PTGES3: variants seen among roughly 807,000 people sequenced by gnomAD.
The protein encoded by PTGES3 is prostaglandin E synthase 3.
In PTGES3, 5 loss-of-function variants were observed where a neutral mutation model predicts 29.9. The ratio of observed to expected loss-of-function variants is 0.17; its 90% CI spans 0.09 to 0.35. The LOEUF (loss-of-function observed/expected upper bound fraction) is 0.35. Among genes scored for constraint, PTGES3 ranks in the 10% least tolerant of loss-of-function variants. PTGES3 has a pLI of 1.00. For missense variants in PTGES3, 128 were observed against 190.0 expected (o/e 0.67, Z 1.92); for synonymous variants, 49 against 57.8 (o/e 0.85, Z 0.69).
chr12:56,682,435 A>G (rs1952584478), intron 1 of PTGES3, among the ~76,000 whole-genome samples: 1 of 152,042 alleles, frequency 6.6e-6, no homozygotes, highest in African/African-American at 2.4e-5. Context: ...GGTGGTGCAC[A>G]CCTGTAGTCC....
chr12:56,688,014 G>A lies in PTGES3; in HGVS notation c.-15C>T, dbSNP rs1952967360. ...CGCACTCACATTGTGAACGGGGCAG[G>A]GGGACGGGCGAACTGGTGGGCGGGC... On this transcript the variant is annotated 5_prime_UTR_variant, in exon 1 of 8. Transcript: ENST00000262033. The A allele has an allele frequency of 2.6e-6, 4 of 1,544,632 alleles. No homozygotes were observed. Among genetic ancestry groups the A allele is most frequent in the Non-Finnish European group, 2.6e-6 (3 of 1,144,600 alleles).
chr12:56,669,472 G>A lies in PTGES3; in HGVS notation c.375+803C>T, dbSNP rs1299552866. On this transcript the variant is annotated intron_variant, in intron 5 of 7. Coordinates refer to ENST00000262033, the MANE Select transcript of PTGES3 (RefSeq NM_006601.7). ...CTAATTTTTGTATTTTAGTAGAGAC[G>A]GGGTTTCACCATGTTGGTCAGGCTG... Among the ~76,000 whole-genome samples, 3 of 152,204 alleles carry A rather than the reference G, an allele frequency of 2.0e-5. No individual in the cohort carries two copies. The East Asian group carries it at 5.8e-4, about 29-fold the overall frequency.
At chr12:56,678,289 T>C (rs2137673104) in intron 1 of PTGES3, among the ~76,000 whole-genome samples, 1 of 152,252 alleles carries the variant, frequency 6.6e-6, no homozygotes, top group East Asian at 1.9e-4. Flanking sequence ...GCAGTTCTCC[T>C]TCCTCAGTCC....
Position 56,663,385 on chromosome 12 carries a change from A to C in PTGES3, c.*1094T>G, listed in dbSNP as rs1052225101. The C allele has an allele frequency of 6.6e-6, 1 of 152,214 alleles. No individual in the cohort carries two copies. Among genetic ancestry groups the C allele is most frequent in the African/African-American group, 2.4e-5 (1 of 41,448 alleles). 9.4% of individuals were successfully genotyped at this position (152,214 alleles called of 1,614,324 possible). ...AACACATTTAGTTTTATTTCAATCA[A>C]ATCACACAACACTTTCTTTTCCAAC... is the stretch of plus-strand genomic sequence containing the variant. On this transcript the variant is annotated 3_prime_UTR_variant, in exon 8 of 8. Transcript: ENST00000262033.
chr12:56,665,841 G>T, intron 6 of PTGES3: 1 of 798,534 alleles, frequency 1.3e-6, no homozygotes, highest in Non-Finnish European at 1.5e-6. Context: ...TGTTGGCCAG[G>T]CTGGTCTCGA....
At chr12:56,687,467 C>T in intron 1 of PTGES3, 1 of 989,562 alleles carries the variant, frequency 1.0e-6, no homozygotes, top group Non-Finnish European at 1.2e-6. Context: ...GCGGCGTGGG[C>T]ATGGCTTCCT....
intron 1 of PTGES3, among the ~76,000 whole-genome samples, chr12:56,682,786 A>C (rs1007372778): frequency 1.3e-5 from 2 of 150,622 alleles, no homozygotes; most frequent in Non-Finnish European, 1.5e-5. Context: ...TGGAAGGCCA[A>C]GGTGGGATGA....
chr12:56,671,375 G>A (rs564005089), intron 4 of PTGES3, among the ~76,000 whole-genome samples: 1 of 152,066 alleles, frequency 6.6e-6, no homozygotes, highest in Non-Finnish European at 1.5e-5. Flanking sequence ...CTCCAGCCTG[G>A]GTGACAAAGA....
chr12:56,674,603 G>C (rs1952140178), intron 1 of PTGES3, among the ~76,000 whole-genome samples: 1 of 151,900 alleles, frequency 6.6e-6, no homozygotes, highest in Non-Finnish European at 1.5e-5. Flanking sequence ...GAGGCAGGAG[G>C]ATCACAATGT....
chr12:56,673,969 A>AAAC (rs1011192900), intron 1 of PTGES3, among the ~76,000 whole-genome samples: 2 of 151,954 alleles, frequency 1.3e-5, no homozygotes, highest in Admixed American at 6.6e-5. Flanking sequence ...GTCTCAAAAC[A>AAAC]AACAACAACA....
intron 1 of PTGES3, among the ~76,000 whole-genome samples, chr12:56,685,056 AG>A (rs1245032422): frequency 1.3e-5 from 2 of 152,092 alleles, no homozygotes; most frequent in African/African-American, 4.8e-5. Flanking sequence ...CGGGAGGTAG[AG>A]GTTGCAGCTG....
rs766701908 is a variant in PTGES3, at chr12:56,666,186, AAG to A, written c.438+16_438+17del. On this transcript the variant is annotated intron_variant, in intron 6 of 7. Coordinates refer to ENST00000262033, the MANE Select transcript of PTGES3 (RefSeq NM_006601.7). ...TAATAGTATGAAAGTAAACAGAAAAAAGAATTTTTAGACTTACATCATCTGCT... is the reference window on the plus strand; with the variant it reads ...TAATAGTATGAAAGTAAACAGAAAAAAATTTTTAGACTTACATCATCTGCT... 2.1e-5 allele frequency: 33 copies of A among 1,600,798 alleles called. No homozygotes were observed. Among genetic ancestry groups the A allele is most frequent in the Non-Finnish European group, 2.6e-5 (30 of 1,174,426 alleles).
chr12:56,681,083 AGTT>A (rs1171117547), intron 1 of PTGES3, among the ~76,000 whole-genome samples: 1 of 151,664 alleles, frequency 6.6e-6, no homozygotes, highest in Non-Finnish European at 1.5e-5. Context: ...CCCCATTTGT[AGTT>A]GTGTTTTGTT....
chr12:56,670,961 T>A (rs1951978915), intron 4 of PTGES3, among the ~76,000 whole-genome samples: 1 of 151,976 alleles, frequency 6.6e-6, no homozygotes, highest in African/African-American at 2.4e-5. Context: ...AAAAACAAAT[T>A]TCCTGGGCGT....
At chr12:56,671,632 GCTTTATA>G in intron 4 of PTGES3, 110 bp downstream of exon 4, 1 of 536,912 alleles carries the variant, frequency 1.9e-6, no homozygotes. Flanking sequence ...TGAACATGAG[GCTTTATA>G]CTTAGCTGTG....
chr12:56,685,359 G>C (rs146190084), intron 1 of PTGES3, among the ~76,000 whole-genome samples: 2 of 150,726 alleles, frequency 1.3e-5, no homozygotes, highest in Admixed American at 1.3e-4. Context: ...TCTTCAAGTG[G>C]CATTGAATCA....
intron 3 of PTGES3, among the ~76,000 whole-genome samples, chr12:56,672,300 T>C (rs1246633319): frequency 6.6e-6 from 1 of 151,924 alleles, no homozygotes; most frequent in African/African-American, 2.4e-5. Context: ...GGTCAGGAGT[T>C]TGAGACCAGC....
intron 6 of PTGES3, 53 bp from the exon 7 acceptor site, chr12:56,664,853 T>G (rs907579908): frequency 2.2e-5 from 35 of 1,584,802 alleles, no homozygotes; most frequent in Middle Eastern, 3.3e-4. Context: ...GTTTGCTAAC[T>G]GAACAGTTTA....
At chr12:56,679,995 G>A (rs1336144941) in intron 1 of PTGES3, among the ~76,000 whole-genome samples, 1 of 151,712 alleles carries the variant, frequency 6.6e-6, no homozygotes, top group East Asian at 1.9e-4. Context: ...GTTAATAGGA[G>A]AAAAAGAGAT....
Sources: allele counts gnomAD v4.1 joint callset (sites outside exome capture counted in the v4.1 genomes callset), GRCh38; gene constraint gnomAD v4.1.1; transcripts MANE v1.5; gene names NCBI Gene and HGNC (gene_info 2026-07-23, HGNC 2026-07-21).